The following NEGR1 variants were observed in gnomAD, a reference collection of about 807,000 sequenced individuals.
NEGR1 encodes neuronal growth regulator 1.
Under a neutral mutation model 40.9 loss-of-function variants are expected in NEGR1, and 10 were observed. That is an observed-to-expected ratio of 0.24 (90% CI 0.15 to 0.42). NEGR1 has a LOEUF of 0.42. Ranked by LOEUF, NEGR1 falls within the 10% of genes least tolerant of loss-of-function variation. The pLI, the probability that NEGR1 is intolerant of heterozygous loss-of-function variation, is 1.00. For synonymous variants in NEGR1, 185 were observed against 166.8 expected (o/e 1.11, Z -0.84); for missense variants, 352 against 438.9 (o/e 0.80, Z 1.77).
intron 1 of NEGR1, among the ~76,000 whole-genome samples, chr1:72,100,162 A>T (rs192868518): frequency 1.5e-3 from 224 of 152,306 alleles, no homozygotes; most frequent in Non-Finnish European, 2.6e-3. Flanking sequence ...AAAAAGACAG[A>T]CATAGAATTG....
At chr1:71,608,964 T>C (rs1055311232) in intron 5 of NEGR1, among the ~76,000 whole-genome samples, 8 of 152,174 alleles carry the variant, frequency 5.3e-5, no homozygotes, top group Admixed American at 5.2e-4. Context: ...CTTCTCAACC[T>C]AGGTTATCAA....
intron 2 of NEGR1, among the ~76,000 whole-genome samples, chr1:71,778,865 T>A (rs1281167291): frequency 1.3e-5 from 2 of 152,210 alleles, no homozygotes; most frequent in African/African-American, 2.4e-5. Context: ...TATGCTAAAC[T>A]AATATTCAGC....
chr1:71,488,027 A>C (rs2101380785), intron 6 of NEGR1: 1 of 151,888 alleles, frequency 6.6e-6, no homozygotes, highest in Non-Finnish European at 1.5e-5. Context: ...CCCAGACTCC[A>C]TTGAAATTAG....
intron 4 of NEGR1, among the ~76,000 whole-genome samples, chr1:71,652,838 T>C (rs1404266654): frequency 1.3e-5 from 2 of 151,964 alleles, no homozygotes; most frequent in Non-Finnish European, 2.9e-5. Context: ...CATTCCAGGC[T>C]GGGTGAGAGA....
At chr1:71,461,294 A>G (rs1256682688) in intron 6 of NEGR1, among the ~76,000 whole-genome samples, 3 of 152,180 alleles carry the variant, frequency 2.0e-5, no homozygotes, top group African/African-American at 7.2e-5. Flanking sequence ...AACATCATAC[A>G]TTATCCTAAT....
intron 1 of NEGR1, among the ~76,000 whole-genome samples, chr1:72,186,019 A>G (rs920046725): frequency 1.3e-5 from 2 of 151,858 alleles, no homozygotes; most frequent in African/African-American, 4.8e-5. Flanking sequence ...CAGATTTAAA[A>G]ATCTAGTAAA....
At chr1:71,731,959 T>C (rs1654886829) in intron 3 of NEGR1, among the ~76,000 whole-genome samples, 1 of 152,192 alleles carries the variant, frequency 6.6e-6, no homozygotes, top group Non-Finnish European at 1.5e-5. Flanking sequence ...GTGGAGATAC[T>C]AATTGACTCA....
At chr1:71,588,287 C>A (rs988265458) in intron 6 of NEGR1, among the ~76,000 whole-genome samples, 3 of 151,990 alleles carry the variant, frequency 2.0e-5, no homozygotes, top group African/African-American at 7.2e-5. Flanking sequence ...CTTTGAATCC[C>A]CAATTTTTTA....
chr1:72,119,507 G>C (rs1649717975), intron 1 of NEGR1, among the ~76,000 whole-genome samples: 1 of 151,936 alleles, frequency 6.6e-6, no homozygotes. Context: ...TCCTGAGGTA[G>C]AAGAAAGCCA....
intron 4 of NEGR1, among the ~76,000 whole-genome samples, chr1:71,641,872 C>T (rs1651365112): frequency 6.6e-6 from 1 of 152,002 alleles, no homozygotes; most frequent in Admixed American, 6.6e-5. Flanking sequence ...ACAAGAATGA[C>T]ATCTTGCTGG....
At chr1:71,936,573 CAG>C (rs983030940) in intron 1 of NEGR1, among the ~76,000 whole-genome samples, 6 of 152,108 alleles carry the variant, frequency 3.9e-5, no homozygotes, top group African/African-American at 1.4e-4. Context: ...GCATTCTAGA[CAG>C]AGATGCTATA....
intron 1 of NEGR1, among the ~76,000 whole-genome samples, chr1:72,096,123 A>T (rs369975619): frequency 6.6e-5 from 10 of 152,150 alleles, no homozygotes; most frequent in South Asian, 2.1e-4. Context: ...AAATCTTTAG[A>T]TGATCAATTT....
At chr1:71,824,931 T>C (rs1447889381) in intron 2 of NEGR1, among the ~76,000 whole-genome samples, 1 of 151,902 alleles carries the variant, frequency 6.6e-6, no homozygotes, top group African/African-American at 2.4e-5. Context: ...TTGTTTTTAG[T>C]TTTTGATTTT....
intron 3 of NEGR1, among the ~76,000 whole-genome samples, chr1:71,750,074 A>G (rs1474780248): frequency 1.3e-5 from 2 of 150,480 alleles, no homozygotes; most frequent in African/African-American, 4.9e-5. Flanking sequence ...GCTCACTGCA[A>G]GCTCCGCTTC....
At chr1:71,814,439 G>C (rs1036835691) in intron 2 of NEGR1, among the ~76,000 whole-genome samples, 2 of 152,044 alleles carry the variant, frequency 1.3e-5, no homozygotes, top group Non-Finnish European at 2.9e-5. Context: ...GTGAGTTAGA[G>C]AGAAGTCCCT....
At chr1:71,986,270 AG>A (rs1385449944) in intron 1 of NEGR1, among the ~76,000 whole-genome samples, 1 of 152,224 alleles carries the variant, frequency 6.6e-6, no homozygotes, top group Non-Finnish European at 1.5e-5. Flanking sequence ...CCTTTACCAC[AG>A]CTGGTCATTA....
At chr1:71,716,747 T>C (rs911208842) in intron 3 of NEGR1, among the ~76,000 whole-genome samples, 1 of 152,290 alleles carries the variant, frequency 6.6e-6, no homozygotes, top group Non-Finnish European at 1.5e-5. Flanking sequence ...CTCACTGCTA[T>C]CATACATTTT....
intron 2 of NEGR1, among the ~76,000 whole-genome samples, chr1:71,851,851 A>T (rs1659613854): frequency 6.6e-6 from 1 of 152,164 alleles, no homozygotes; most frequent in Non-Finnish European, 1.5e-5. Flanking sequence ...AAGTTTACTA[A>T]TTAATTAACA....
intron 2 of NEGR1, among the ~76,000 whole-genome samples, chr1:71,910,974 A>T (rs1227407527): frequency 6.6e-6 from 1 of 152,188 alleles, no homozygotes; most frequent in Non-Finnish European, 1.5e-5. Flanking sequence ...CTAGGATTAC[A>T]GACATGAGCC....
Sources: allele counts gnomAD v4.1 joint callset (sites outside exome capture counted in the v4.1 genomes callset), GRCh38; gene constraint gnomAD v4.1.1; transcripts MANE v1.5; gene names NCBI Gene and HGNC (gene_info 2026-07-23, HGNC 2026-07-21).